AGMO: variants seen among roughly 807,000 people sequenced by gnomAD.
The protein encoded by AGMO is glyceryl-ether monooxygenase.
A neutral mutation model predicts 60.2 loss-of-function variants in AGMO; 75 were observed. The ratio of observed to expected loss-of-function variants is 1.25; its 90% CI spans 1.03 to 1.51. AGMO has a LOEUF of 1.51. Ranked by LOEUF, AGMO falls within the 40% of genes most tolerant of loss-of-function variation. The pLI is 0.00. For missense variants in AGMO, 763 were observed against 525.5 expected, an observed-to-expected ratio of 1.45 and a Z score of -4.42; for synonymous variants, 261 against 177.1, an observed-to-expected ratio of 1.47 and a Z score of -3.76.
At chr7:15,341,792 C>A (rs1001261368) in intron 12 of AGMO, among the ~76,000 whole-genome samples, 1 of 151,984 alleles carries the variant, frequency 6.6e-6, no homozygotes, top group Non-Finnish European at 1.5e-5. Flanking sequence ...TGGCAGAAGG[C>A]AAAGGAGGAG....
chr7:15,359,523 T>C (rs1782673402), intron 12 of AGMO, among the ~76,000 whole-genome samples: 1 of 152,172 alleles, frequency 6.6e-6, no homozygotes, highest in African/African-American at 2.4e-5. Flanking sequence ...ATATATCATG[T>C]ATGTTTTTTT....
At chr7:15,248,666 G>C (rs995741739) in intron 12 of AGMO, among the ~76,000 whole-genome samples, 2 of 152,128 alleles carry the variant, frequency 1.3e-5, no homozygotes, top group Middle Eastern at 3.2e-3. Context: ...TGACACACAA[G>C]ACACATATTG....
At chr7:15,367,291 ATT>A (rs1046652798) in intron 10 of AGMO, among the ~76,000 whole-genome samples, 65 of 152,044 alleles carry the variant, frequency 4.3e-4, no homozygotes, top group African/African-American at 1.5e-3. Context: ...GTAACAAAAC[ATT>A]TTTGTCAGAA....
At chr7:15,447,616 T>C (rs1366040628) in intron 3 of AGMO, among the ~76,000 whole-genome samples, 1 of 152,094 alleles carries the variant, frequency 6.6e-6, no homozygotes, top group African/African-American at 2.4e-5. Context: ...AGTGGCACGA[T>C]CTTGGCTCAC....
chr7:15,291,520 A>G (rs1784263843), intron 12 of AGMO, among the ~76,000 whole-genome samples: 2 of 152,206 alleles, frequency 1.3e-5, no homozygotes, highest in South Asian at 4.1e-4. Flanking sequence ...ATTAAGGAGA[A>G]AGAAACTCTT....
At chr7:15,176,220 A>C in the AGMO span, among the ~76,000 whole-genome samples, 2 of 152,006 alleles carry the variant, frequency 1.3e-5, no homozygotes, top group African/African-American at 4.8e-5. Context: ...TGATTGCAGC[A>C]TCAAAAAAGT....
At chr7:15,433,837 G>A (rs1781324535) in intron 3 of AGMO, among the ~76,000 whole-genome samples, 1 of 151,742 alleles carries the variant, frequency 6.6e-6, no homozygotes, top group South Asian at 2.1e-4. Context: ...GCTTTCTAGT[G>A]CCAAATGTAA....
chr7:15,332,393 G>A (rs66831392), intron 12 of AGMO, among the ~76,000 whole-genome samples: 54,610 of 151,906 alleles, frequency 0.36, 10,626 homozygotes, highest in Middle Eastern at 0.48. Context: ...GGTCTGTCTC[G>A]TCTGGAAACT....
intron 3 of AGMO, among the ~76,000 whole-genome samples, chr7:15,513,297 C>CTA (rs200505326): frequency 0.82 from 124,177 of 151,770 alleles, 51,032 homozygotes; most frequent in East Asian, 0.97. Flanking sequence ...CAACTTTAAA[C>CTA]CACAAAATGT....
the AGMO span, among the ~76,000 whole-genome samples, chr7:15,137,956 C>G: frequency 3.0e-4 from 46 of 152,146 alleles, no homozygotes; most frequent in African/African-American, 1.1e-3. Flanking sequence ...GTCTCCTCAT[C>G]ACTTCTGAGT....
chr7:15,389,548 T>A (rs910126629), intron 8 of AGMO, among the ~76,000 whole-genome samples: 3 of 152,182 alleles, frequency 2.0e-5, no homozygotes, highest in Non-Finnish European at 4.4e-5. Context: ...TTTCTTCTTT[T>A]GGTGTACGAG....
chr7:15,299,710 TC>T (rs1292317188), intron 12 of AGMO, among the ~76,000 whole-genome samples: 7 of 151,574 alleles, frequency 4.6e-5, no homozygotes, highest in African/African-American at 1.7e-4. Flanking sequence ...CACCTGTAGT[TC>T]CAGCTACTTG....
At chr7:15,531,642 TAGAAA>T (rs1784367213) in intron 3 of AGMO, among the ~76,000 whole-genome samples, 1 of 128,634 alleles carries the variant, frequency 7.8e-6, no homozygotes, top group African/African-American at 2.9e-5. Context: ...TCTATATATA[TAGAAA>T]ATATAAATAT....
chr7:15,232,944 T>C (rs916785246), intron 12 of AGMO, among the ~76,000 whole-genome samples: 8 of 152,056 alleles, frequency 5.3e-5, no homozygotes, highest in African/African-American at 1.9e-4. Flanking sequence ...AATGAAGAAG[T>C]TCTAAGAGAA....
chr7:15,399,295 A>T lies in AGMO; in HGVS notation c.610-5116T>A, dbSNP rs116033223. 2.5e-3 allele frequency among the ~76,000 whole-genome samples: 375 copies of T among 152,234 alleles called. 1 individual carries two copies. Among genetic ancestry groups the T allele is most frequent in the African/African-American group, 8.3e-3 (346 of 41,556 alleles). ...ACCTATGATATTTTTCTGGGGAGAA[A>T]TTCTACAATTTCTATTATATACTGA... On this transcript the variant is annotated intron_variant, in intron 5 of 12. Coordinates refer to ENST00000342526, the MANE Select transcript of AGMO (RefSeq NM_001004320.2).
intron 3 of AGMO, among the ~76,000 whole-genome samples, chr7:15,471,153 A>G (rs1408065469): frequency 2.0e-5 from 3 of 151,946 alleles, no homozygotes; most frequent in African/African-American, 7.2e-5. Flanking sequence ...TGTCATCATT[A>G]TCATTTTTCC....
At chr7:15,486,808 T>C (rs1435892092) in intron 3 of AGMO, among the ~76,000 whole-genome samples, 1 of 152,208 alleles carries the variant, frequency 6.6e-6, no homozygotes, top group African/African-American at 2.4e-5. Context: ...GGAATACTTT[T>C]TACTGCTAAA....
chr7:15,411,628 CT>C (rs1264858313), intron 5 of AGMO, among the ~76,000 whole-genome samples: 1 of 151,744 alleles, frequency 6.6e-6, no homozygotes, highest in Non-Finnish European at 1.5e-5. Flanking sequence ...CAACATATTC[CT>C]TTACACAAAA....
intron 2 of AGMO, among the ~76,000 whole-genome samples, chr7:15,556,122 C>T (rs187758041): frequency 1.3e-5 from 2 of 151,786 alleles, no homozygotes; most frequent in Admixed American, 6.6e-5. Flanking sequence ...TGCCAAGGCC[C>T]CTAGTATAAA....
Sources: allele counts gnomAD v4.1 joint callset (sites outside exome capture counted in the v4.1 genomes callset), GRCh38; gene constraint gnomAD v4.1.1; transcripts MANE v1.5; gene names NCBI Gene and HGNC (gene_info 2026-07-23, HGNC 2026-07-21).